The following PARP4 variants were observed in gnomAD, a reference collection of about 807,000 sequenced individuals.
PARP4 encodes the protein poly(ADP-ribose) polymerase family member 4.
Under a neutral mutation model 187.7 loss-of-function variants are expected in PARP4, and 120 were observed. The ratio of observed to expected loss-of-function variants is 0.64; its 90% CI spans 0.55 to 0.74. The LOEUF (loss-of-function observed/expected upper bound fraction) is 0.74, where lower values mean the gene tolerates loss of function less well. Ranked by LOEUF, PARP4 falls within the 30% of genes least tolerant of loss-of-function variation. The probability of loss-of-function intolerance (pLI) is 0.00; values close to 1 mark genes in which losing one functional copy is unlikely to be tolerated. For missense variants in PARP4, 1,836 were observed against 2,070.5 expected (o/e 0.89, Z 2.20); for synonymous variants, 654 against 740.9 (o/e 0.88, Z 1.90).
chr13:24,474,541 A>T (rs1872885008), intron 15 of PARP4, among the ~76,000 whole-genome samples: 1 of 150,992 alleles, frequency 6.6e-6, no homozygotes, highest in Admixed American at 6.6e-5. Flanking sequence ...CCTTCTCTCA[A>T]GGACCACTCT....
intron 14 of PARP4, among the ~76,000 whole-genome samples, chr13:24,477,492 T>G (rs1160588449): frequency 6.6e-6 from 1 of 152,008 alleles, no homozygotes; most frequent in Non-Finnish European, 1.5e-5. Context: ...TAAAATTAAG[T>G]GCTTTATTTT....
intron 27 of PARP4, 127 bp from the exon 28 acceptor site, chr13:24,443,857 G>A: frequency 1.5e-6 from 1 of 668,040 alleles, no homozygotes; most frequent in Non-Finnish European, 2.7e-6. Context: ...TAAATACACA[G>A]TTTGATGAGT....
In PARP4 at chr13:24,484,540, T is replaced by C. The variant is rs138861214; in HGVS notation, c.1448+113A>G. ...TAGTATTCCAGCCACATTGAGGTCATATATAATAGATAAATCTGTGTTTTG... is the reference window on the plus strand; with the variant it reads ...TAGTATTCCAGCCACATTGAGGTCACATATAATAGATAAATCTGTGTTTTG... On this transcript the variant is annotated intron_variant, in intron 12 of 33. Transcript: ENST00000381989. 5.0e-4 allele frequency: 354 copies of C among 713,010 alleles called. No homozygotes were observed. In the African/African-American group the frequency reaches 5.6e-3, roughly 11 times the overall value. 44.2% of individuals were successfully genotyped at this position (713,010 alleles called of 1,614,324 possible).
intron 3 of PARP4, among the ~76,000 whole-genome samples, chr13:24,501,139 C>T (rs1420165549): frequency 6.6e-6 from 1 of 152,198 alleles, no homozygotes; most frequent in Non-Finnish European, 1.5e-5. Flanking sequence ...TTTATCAGAA[C>T]TGTGTGATTT....
rs761216574 is a variant in PARP4, at chr13:24,501,786, G to A, written c.181C>T (p.Leu61=). 5.6e-6 allele frequency: 9 copies of A among 1,612,988 alleles called. No homozygotes were observed. The highest frequency in any genetic ancestry group is 7.6e-6 in the Non-Finnish European group (9 of 1,179,014). ...DNADVLSQYQ[L]NSIQKNHVHI... is the part of the protein sequence containing the mutation. The stretch of plus-strand genomic sequence containing the variant: ...ACGTGGTTCTTTTGGATAGAATTCA[G>A]TTGGTACTGACTCAGAACATCAGCA... Residue 61 remains leucine, a synonymous_variant, in exon 3 of 34, where the codon CTG becomes TTG. Transcript: ENST00000381989.
intron 22 of PARP4, 142 bp downstream of exon 22, chr13:24,454,875 T>C: frequency 1.6e-6 from 1 of 608,860 alleles, no homozygotes. Flanking sequence ...GGGGTCCAGC[T>C]CCAGAGCTCT....
intron 24 of PARP4, 83 bp downstream of exon 24, chr13:24,452,323 C>T: frequency 8.8e-7 from 1 of 1,135,852 alleles, no homozygotes; most frequent in Non-Finnish European, 1.3e-6. Context: ...GTGTCAACTT[C>T]CAAGCTTGCC....
intron 30 of PARP4, among the ~76,000 whole-genome samples, chr13:24,439,632 G>A (rs2137449199): frequency 6.6e-6 from 1 of 152,298 alleles, no homozygotes; most frequent in East Asian, 1.9e-4. Flanking sequence ...TCACACTGTT[G>A]TGCAACCATG....
Position 24,442,714 on chromosome 13 carries a change from C to A in PARP4, c.3448-29G>T. On this transcript the variant is annotated intron_variant, in intron 28 of 33. Transcript: ENST00000381989. ...GGATAGAATAAAACATAAATCATGT[C>A]CTGTTTTATTTCTATTTCGCTATGT... The A allele has an allele frequency of 2.4e-6, 3 of 1,245,346 alleles. No homozygotes were observed. The South Asian group carries it at 3.7e-5, about 15-fold the overall frequency. The allele number at this position is 1,245,346 out of a possible 1,614,324, so 77.1% of individuals were successfully genotyped here.
chr13:24,512,069 G>C (rs1870043741), intron 1 of PARP4, among the ~76,000 whole-genome samples: 1 of 152,128 alleles, frequency 6.6e-6, no homozygotes, highest in Non-Finnish European at 1.5e-5. Flanking sequence ...TCATATAATT[G>C]TTGTCATCCA....
chr13:24,462,679 T>A (rs1872265757), intron 17 of PARP4, among the ~76,000 whole-genome samples: 1 of 152,164 alleles, frequency 6.6e-6, no homozygotes, highest in Non-Finnish European at 1.5e-5. Flanking sequence ...TACATATGAA[T>A]AGATGGAACC....
chr13:24,510,884 C>T (rs1370144636), intron 1 of PARP4, among the ~76,000 whole-genome samples: 1 of 152,170 alleles, frequency 6.6e-6, no homozygotes, highest in Non-Finnish European at 1.5e-5. Context: ...ACTGCAACCT[C>T]GACCTCCCTC....
intron 12 of PARP4, among the ~76,000 whole-genome samples, chr13:24,482,507 C>A (rs1873329915): frequency 6.6e-6 from 1 of 152,240 alleles, no homozygotes. Flanking sequence ...GCCACCTCAA[C>A]TTTCAGCAAC....
intron 5 of PARP4, among the ~76,000 whole-genome samples, chr13:24,499,096 C>A (rs150248104): frequency 1.3e-5 from 2 of 151,732 alleles, no homozygotes; most frequent in Non-Finnish European, 2.9e-5. Flanking sequence ...CCCAGGAGTT[C>A]GAGACCAGCA....
chr13:24,426,203 A>T (rs924295308), intron 33 of PARP4, among the ~76,000 whole-genome samples: 7 of 152,134 alleles, frequency 4.6e-5, no homozygotes, highest in African/African-American at 1.7e-4. Context: ...GAAGAGTACC[A>T]CATCCAGAGC....
rs1331977725 is a variant in PARP4 at position 24,494,612 on chromosome 13, T to G, written c.702A>C (p.Thr234=). The G allele has an allele frequency of 2.0e-5, 32 of 1,611,794 alleles. No homozygotes were observed. The highest frequency in any genetic ancestry group is 8.4e-5 in the Admixed American group (5 of 59,726). ...CAGATGCTAATTGGGTTGCTTCAGGTGTGAAATGTTCTCTTAGTAGAAATC... is the reference window on the plus strand; with the variant it reads ...CAGATGCTAATTGGGTTGCTTCAGGGGTGAAATGTTCTCTTAGTAGAAATC... The part of the protein sequence containing the change: ...KQGFLLREHF[T]PEATQLASEQ... Residue 234 remains threonine, a synonymous_variant, in exon 7 of 34, where the codon ACA becomes ACC. Transcript: ENST00000381989.
In PARP4 at chr13:24,434,820, G is replaced by C. The variant is rs746318530; in HGVS notation, c.4321C>G (p.Leu1441Val). ...ELDSPQLHFS[L>V]PTDPDPIRGF... is the part of the protein sequence containing the mutation. ...CTGATGGGATCAGGGTCTGTAGGAA[G>C]AGAGAAATGAAGCTGGGGAGAATCC... Residue 1441 changes from leucine to valine, a missense_variant, in exon 31 of 34, where the codon CTT becomes GTT. Around this residue, in one of 8 missense-constraint regions of PARP4, gnomAD observed 450 missense variants for 439.2 expected, o/e 1.02. Coordinates refer to ENST00000381989, the MANE Select transcript of PARP4 (RefSeq NM_006437.4). 5 of 1,613,516 alleles carry C rather than the reference G, an allele frequency of 3.1e-6. No individual in the cohort carries two copies. Among genetic ancestry groups the C allele is most frequent in the Non-Finnish European group, 2.5e-6 (3 of 1,179,784 alleles).
Position 24,506,454 on chromosome 13 carries a change from G to GC in PARP4, c.-1-2678dup, listed in dbSNP as rs1869690722. On this transcript the variant is annotated intron_variant, in intron 1 of 33. Transcript: ENST00000381989. ...CAGCCTGCTTTTATTCCCTTATGTG[G>GC]CCCCACCCACATCCTGCTGATTGGT... is the stretch of plus-strand genomic sequence containing the variant. Among the ~76,000 whole-genome samples, 4 of 152,224 alleles carry GC rather than the reference G, an allele frequency of 2.6e-5. No homozygotes were observed. In the South Asian group the frequency reaches 6.2e-4, roughly 24 times the overall value.
At chr13:24,489,810 G>A (rs142022145) in intron 10 of PARP4, among the ~76,000 whole-genome samples, 2 of 152,274 alleles carry the variant, frequency 1.3e-5, no homozygotes, top group African/African-American at 2.4e-5. Flanking sequence ...AACAACAGCA[G>A]CAACGCCCCC....
Sources: allele counts gnomAD v4.1 joint callset (sites outside exome capture counted in the v4.1 genomes callset), GRCh38; gene constraint gnomAD v4.1.1; regional missense constraint gnomAD v4.1.1; transcripts MANE v1.5; gene names NCBI Gene and HGNC (gene_info 2026-07-23, HGNC 2026-07-21).